ALG10: variants seen among roughly 807,000 people sequenced by gnomAD.
The protein encoded by ALG10 is ALG10 alpha-1,2-glucosyltransferase.
ALG10 carries 25 observed loss-of-function variants against 39.2 expected under a neutral mutation model. The ratio of observed to expected loss-of-function variants is 0.64; its 90% confidence interval spans 0.46 to 0.89. The LOEUF (loss-of-function observed/expected upper bound fraction) is 0.89. Among genes scored for constraint, ALG10 ranks in the 40% least tolerant of loss-of-function variants. ALG10 has a pLI of 0.00. For synonymous variants in ALG10, 184 were observed against 193.9 expected (o/e 0.95, Z 0.42); for missense variants, 486 against 546.6 (o/e 0.89, Z 1.11).
chr12:34,024,042 A>G lies in ALG10; in HGVS notation c.252A>G (p.Gly84=), dbSNP rs1258375855. The G allele has an allele frequency of 6.2e-7, 1 of 1,614,066 alleles. No individual in the cohort carries two copies. The highest frequency in any genetic ancestry group is 8.5e-7 in the Non-Finnish European group (1 of 1,180,010). The part of the protein sequence containing the change: ...GVIKPAIWIF[G]WSEHVVCSIG... ...TCAAACCTGCCATTTGGATCTTTGGATGGTCTGAACATGTTGTCTGCTCCA... is the reference window on the plus strand; with the variant it reads ...TCAAACCTGCCATTTGGATCTTTGGGTGGTCTGAACATGTTGTCTGCTCCA... Residue 84 remains glycine, a synonymous_variant, in exon 2 of 3, where the codon GGA becomes GGG. Transcript: ENST00000266483.
In ALG10 at chr12:34,025,968, T is replaced by C; in HGVS notation, c.475T>C (p.Phe159Leu). ...TTATACAGAAGCAGGATCTATGTTT[T>C]TTACTCTTTTTGCGTATTTGATGTG... ...LYYTEAGSMF[F>L]TLFAYLMCLY... The change falls in exon 3 of 3, where the codon TTT becomes CTT. Residue 159 changes from phenylalanine (F) to leucine (L), a missense_variant. Physicochemically the swap from Phe to Leu is conservative, Grantham distance 22. Transcript: ENST00000266483. 6.2e-7 allele frequency: 1 copy of C among 1,614,130 alleles called. No individual in the cohort carries two copies. Among genetic ancestry groups the C allele is most frequent in the African/African-American group, 1.3e-5 (1 of 75,058 alleles).
In ALG10 at chr12:34,026,087, A is replaced by T; in HGVS notation, c.594A>T (p.Gly198=). The T allele has an allele frequency of 6.2e-7, 1 of 1,614,114 alleles. No homozygotes were observed. The highest frequency in any genetic ancestry group is 8.5e-7 in the Non-Finnish European group (1 of 1,179,968). ...TNIIWAVFCA[G]NVIAQKLTEA... ...TCATCTGGGCTGTCTTCTGTGCAGGAAATGTCATTGCACAAAAGTTAACGG... is the reference window on the plus strand; with the variant it reads ...TCATCTGGGCTGTCTTCTGTGCAGGTAATGTCATTGCACAAAAGTTAACGG... The change falls in exon 3 of 3, where the codon GGA becomes GGT. Residue 198 remains glycine (G), a synonymous_variant. Transcript: ENST00000266483.
Position 34,027,131 on chromosome 12 carries a change from G to T in ALG10, c.*216G>T. On this transcript the variant is annotated 3_prime_UTR_variant, in exon 3 of 3. Coordinates refer to ENST00000266483, the MANE Select transcript of ALG10 (RefSeq NM_032834.4). The stretch of plus-strand genomic sequence containing the variant: ...ACCTGCTTCAAAAGCCTGAAAAATG[G>T]AAAAATAAAATTGTTTTCAGATATC... The T allele has an allele frequency of 2.2e-6, 1 of 447,118 alleles. No individual in the cohort carries two copies. Among genetic ancestry groups the T allele is most frequent in the Non-Finnish European group, 3.8e-6 (1 of 266,052 alleles). The allele number at this position is 447,118 out of a possible 1,614,324, so 27.7% of individuals were successfully genotyped here.
chr12:34,022,806 C>T, intron 1 of ALG10, 36 bp downstream of exon 1: 2 of 1,613,514 alleles, frequency 1.2e-6, no homozygotes, highest in Non-Finnish European at 1.7e-6. Context: ...CCAGGAGAGG[C>T]CTGAGAGGTC....
chr12:34,025,791 C>T lies in ALG10; in HGVS notation c.370-72C>T. On this transcript the variant is annotated intron_variant, in intron 2 of 2. Transcript: ENST00000266483. ...AGTTGAGTAGTTTTTAAATAAATTT[C>T]TTCATTAGGTAAGCAGAAATAGCAT... 3.2e-6 allele frequency: 5 copies of T among 1,561,424 alleles called. No homozygotes were observed. In the South Asian group the frequency reaches 5.8e-5, roughly 18 times the overall value.
intron 2 of ALG10, 57 bp downstream of exon 2, chr12:34,024,216 T>C: frequency 7.6e-6 from 12 of 1,574,808 alleles, no homozygotes; most frequent in East Asian, 2.2e-5. Flanking sequence ...ACAATTACAA[T>C]GAATTAGTTT....
At chr12:34,022,829 C>T in intron 1 of ALG10, 59 bp downstream of exon 1, 6 of 1,609,846 alleles carry the variant, frequency 3.7e-6, no homozygotes, top group East Asian at 2.2e-5. Flanking sequence ...AGCGTCCCCA[C>T]GTCCTCCCAT....
In ALG10 at chr12:34,024,082, T is replaced by A; in HGVS notation, c.292T>A (p.Phe98Ile). ...TGTCTGCTCCATTGGGATGCTCAGA[T>A]TTGTTAATCTTCTCTTCAGTGTTGG... is the stretch of plus-strand genomic sequence containing the variant. ...HVVCSIGMLR[F>I]VNLLFSVGNF... Residue 98 changes from phenylalanine to isoleucine, a missense_variant, in exon 2 of 3, where the codon TTT (phenylalanine) becomes ATT (isoleucine). Transcript: ENST00000266483. The A allele has an allele frequency of 6.2e-7, 1 of 1,614,180 alleles. No individual in the cohort carries two copies.
In ALG10 at chr12:34,022,707, G is replaced by T. The variant is rs1325953922; in HGVS notation, c.108G>T (p.Met36Ile). 8 of 1,613,886 alleles carry T rather than the reference G, an allele frequency of 5.0e-6. No individual in the cohort carries two copies. The change falls in exon 1 of 3, where the codon ATG (methionine) becomes ATT (isoleucine). Residue 36 changes from methionine to isoleucine, a missense_variant. Physicochemically the swap from Met to Ile is conservative, Grantham distance 10. Transcript: ENST00000266483. ...GCCGGGCGTTGCGAGAGCCCTACAT[G>T]GACGAGATCTTCCACCTGCCTCAGG... Reference protein sequence around the residue: ...AFSRALREPYMDEIFHLPQAQ... With the variant: ...AFSRALREPYIDEIFHLPQAQ...
chr12:34,023,818 T>A, intron 1 of ALG10, 144 bp from the exon 2 acceptor site: 2 of 1,142,400 alleles, frequency 1.8e-6, no homozygotes, highest in Non-Finnish European at 2.6e-6. Context: ...AATCCTGTTC[T>A]GCCAAGGACT....
intron 2 of ALG10, among the ~76,000 whole-genome samples, 164 bp downstream of exon 2, chr12:34,024,323 A>G (rs1163223428): frequency 6.6e-6 from 1 of 152,250 alleles, no homozygotes; most frequent in Non-Finnish European, 1.5e-5. Flanking sequence ...CCATTTTAGA[A>G]TAAATTCGTA....
Position 34,024,166 on chromosome 12 carries a change from T to C in ALG10, c.369+7T>C. The C allele has an allele frequency of 6.2e-7, 1 of 1,613,442 alleles. No homozygotes were observed. The highest frequency in any genetic ancestry group is 8.5e-7 in the Non-Finnish European group (1 of 1,179,452). On this transcript the variant is annotated splice_region_variant and intron_variant, in intron 2 of 2. Transcript: ENST00000266483. ...GGTACAACCCAGAAACAAGGTATGT[T>C]TCAAAATACTTAATTACAAGTTTAT... is the stretch of plus-strand genomic sequence containing the variant.
Position 34,024,142 on chromosome 12 carries a change from G to T in ALG10, c.352G>T (p.Val118Leu). ...TTTACTATATTTGCTTTTCTGCAAGGTACAACCCAGAAACAAGGTATGTTT... is the reference window on the plus strand; with the variant it reads ...TTTACTATATTTGCTTTTCTGCAAGTTACAACCCAGAAACAAGGTATGTTT... ...FYLLYLLFCK[V>L]QPRNKAASSI... Residue 118 changes from valine (V) to leucine (L), a missense_variant, in exon 2 of 3, where the codon GTA (valine) becomes TTA (leucine). Val to Leu is a conservative substitution (Grantham distance 32). Coordinates refer to ENST00000266483, the MANE Select transcript of ALG10 (RefSeq NM_032834.4). 6.2e-7 allele frequency: 1 copy of T among 1,613,988 alleles called. No individual in the cohort carries two copies. Among genetic ancestry groups the T allele is most frequent in the Non-Finnish European group, 8.5e-7 (1 of 1,179,982 alleles).
chr12:34,026,019 G>T lies in ALG10; in HGVS notation c.526G>T (p.Ala176Ser), dbSNP rs1408190472. The change falls in exon 3 of 3, where the codon GCC becomes TCC. Residue 176 changes from alanine to serine, a missense_variant. Coordinates refer to ENST00000266483, the MANE Select transcript of ALG10 (RefSeq NM_032834.4). Reference protein sequence around the residue: ...MCLYGNHKTSAFLGFCGFMFR... With the variant: ...MCLYGNHKTSSFLGFCGFMFR... ...TCTTTATGGAAATCATAAAACTTCA[G>T]CCTTCCTTGGATTTTGTGGCTTCAT... 6.8e-6 allele frequency: 11 copies of T among 1,613,938 alleles called. No individual in the cohort carries two copies. The highest frequency in any genetic ancestry group is 9.3e-6 in the Non-Finnish European group (11 of 1,179,950).
In ALG10 at chr12:34,026,803, T is replaced by C. The variant is rs763868742; in HGVS notation, c.1310T>C (p.Leu437Pro). 2.5e-6 allele frequency: 4 copies of C among 1,614,012 alleles called. No individual in the cohort carries two copies. The change falls in exon 3 of 3, where the codon CTC (leucine) becomes CCC (proline). Residue 437 changes from leucine (L) to proline (P), a missense_variant. Transcript: ENST00000266483. ...LNIPLPPTSRLICELSCYAVV... is the reference protein window; with the variant it reads ...LNIPLPPTSRPICELSCYAVV... ...ATACCTCTGCCTCCCACATCCAGAC[T>C]CATTTGTGAACTGAGCTGCTATGCA...
chr12:34,026,560 T>C lies in ALG10; in HGVS notation c.1067T>C (p.Phe356Ser), dbSNP rs534786683. Reference sequence around the variant, plus strand: ...CTAGCAGACAATAGACATTATACTTTCTATGTGTGGAAAAGAGTTTTTCAA... The same window carrying C: ...CTAGCAGACAATAGACATTATACTTCCTATGTGTGGAAAAGAGTTTTTCAA... ...YLLADNRHYTFYVWKRVFQRY... is the reference protein window; with the variant it reads ...YLLADNRHYTSYVWKRVFQRY... The change falls in exon 3 of 3, where the codon TTC becomes TCC. Residue 356 changes from phenylalanine (F) to serine (S), a missense_variant. Phe to Ser is a radical substitution (Grantham distance 155, BLOSUM62 -2). Transcript: ENST00000266483. 8.1e-6 allele frequency: 13 copies of C among 1,613,718 alleles called. No individual in the cohort carries two copies. Among genetic ancestry groups the C allele is most frequent in the African/African-American group, 1.3e-5 (1 of 75,012 alleles).
chr12:34,024,678 A>G (rs151195232), intron 2 of ALG10, among the ~76,000 whole-genome samples: 2,856 of 152,354 alleles, frequency 0.019, 94 homozygotes, highest in African/African-American at 0.065. Context: ...TCTGCCTTAT[A>G]GAACTGTTAT....
Position 34,024,001 on chromosome 12 carries a change from G to C in ALG10, c.211G>C (p.Val71Leu). The change falls in exon 2 of 3, where the codon GTG becomes CTG. Residue 71 changes from valine (V) to leucine (L), a missense_variant. Physicochemically the swap from Val to Leu is conservative, Grantham distance 32. Transcript: ENST00000266483. ...TACTACATTACCTGGCTTGTACCTG[G>C]TGTCAATTGGAGTGATCAAACCTGC... The part of the protein sequence containing the change: ...MITTLPGLYL[V>L]SIGVIKPAIW... 6.2e-7 allele frequency: 1 copy of C among 1,614,068 alleles called. No individual in the cohort carries two copies. The highest frequency in any genetic ancestry group is 8.5e-7 in the Non-Finnish European group (1 of 1,180,000).
chr12:34,026,379 TC>T lies in ALG10; in HGVS notation c.887del (p.Ser296TyrfsTer23), dbSNP rs1416036694. The T allele has an allele frequency of 1.9e-6, 3 of 1,613,840 alleles. No homozygotes were observed. The highest frequency in any genetic ancestry group is 2.5e-6 in the Non-Finnish European group (3 of 1,179,948). On this transcript the variant is annotated frameshift_variant, in exon 3 of 3. Transcript: ENST00000266483. LOFTEE classifies it high-confidence loss of function. Reference sequence around the variant, plus strand: ...TTTTCCTCAACTATTCTACTTTTTTTCATTTACTCTCTTTTTTTCCTTTCCT... The same window carrying T: ...TTTTCCTCAACTATTCTACTTTTTTTATTTACTCTCTTTTTTTCCTTTCCT... ...LHFPQLFYFF[S>X]FTLFFSFPHL...
Sources: allele counts gnomAD v4.1 joint callset (sites outside exome capture counted in the v4.1 genomes callset), GRCh38; gene constraint gnomAD v4.1.1; transcripts MANE v1.5; gene names NCBI Gene and HGNC (gene_info 2026-07-23, HGNC 2026-07-21).